The following MRM1 variants were observed in gnomAD, a reference collection of about 807,000 sequenced individuals.
MRM1 encodes rRNA methyltransferase 1, mitochondrial.
A neutral mutation model predicts 25.0 loss-of-function variants in MRM1; 24 were observed. The observed-to-expected ratio is 0.96, with a 90% confidence interval of 0.69 to 1.35. The LOEUF is 1.35. MRM1 is among the 40% of genes most tolerant of loss of function. The pLI, the probability that MRM1 is intolerant of heterozygous loss-of-function variation, is 0.00. For synonymous variants in MRM1, 188 were observed against 199.2 expected, an observed-to-expected ratio of 0.94 and a Z score of 0.47; for missense variants, 431 against 464.1, an observed-to-expected ratio of 0.93 and a Z score of 0.65.
intron 2 of MRM1, among the ~76,000 whole-genome samples, chr17:36,604,232 T>C (rs1402365093): frequency 6.6e-6 from 1 of 152,190 alleles, no homozygotes; most frequent in Non-Finnish European, 1.5e-5. Flanking sequence ...ACCAGTCAGC[T>C]CTTCCTCTCA....
At chr17:36,604,166 C>T (rs2074907374) in intron 2 of MRM1, among the ~76,000 whole-genome samples, 1 of 152,190 alleles carries the variant, frequency 6.6e-6, no homozygotes. Flanking sequence ...CCACTTTTCT[C>T]TTACACTCTC....
the MRM1 span, among the ~76,000 whole-genome samples, chr17:36,620,070 G>A: frequency 3.9e-5 from 6 of 152,080 alleles, no homozygotes; most frequent in African/African-American, 1.4e-4. Context: ...TTGAGTTGTA[G>A]GAGTTCCTTA....
In MRM1 at chr17:36,602,517, G is replaced by A. The variant is rs1406187840; in HGVS notation, c.543-36G>A. ...AGGGTAGGGAGCCGGGCTTGAGATGGCCCAGCCTAATGCGGGGAACGGGGA... is the reference window on the plus strand; with the variant it reads ...AGGGTAGGGAGCCGGGCTTGAGATGACCCAGCCTAATGCGGGGAACGGGGA... On this transcript the variant is annotated intron_variant, in intron 1 of 4. Coordinates refer to ENST00000614766, the MANE Select transcript of MRM1 (RefSeq NM_024864.5). The surrounding 1 kb of genome is among the most constrained non-coding windows in gnomAD (Gnocchi z 4.1). 6.2e-7 allele frequency: 1 copy of A among 1,613,112 alleles called. No individual in the cohort carries two copies. Among genetic ancestry groups the A allele is most frequent in the East Asian group, 2.2e-5 (1 of 44,864 alleles).
At chr17:36,606,442 TCTCA>T (rs2074928892) in intron 2 of MRM1, among the ~76,000 whole-genome samples, 1 of 121,090 alleles carries the variant, frequency 8.3e-6, no homozygotes, top group Non-Finnish European at 1.7e-5. Flanking sequence ...GAGATGGGGG[TCTCA>T]CTCTGTCACC....
chr17:36,619,883 G>C, the MRM1 span, among the ~76,000 whole-genome samples: 1 of 152,098 alleles, frequency 6.6e-6, no homozygotes, highest in Non-Finnish European at 1.5e-5. Flanking sequence ...TCTGATGGTG[G>C]CCATCATAAT....
At chr17:36,626,927 G>A in the MRM1 span, among the ~76,000 whole-genome samples, 4 of 152,296 alleles carry the variant, frequency 2.6e-5, no homozygotes, top group Non-Finnish European at 4.4e-5. Flanking sequence ...TGACTCTGAG[G>A]CAAATGTAAA....
rs2074948250 is a variant in MRM1 at position 36,608,171 on chromosome 17, C to T, written c.890-72C>T. ...ATCCCGTTGATGAGATGAGGGGCTG[C>T]CTGAATGTCTAGGTCTCTAAACATC... On this transcript the variant is annotated intron_variant, in intron 4 of 4. Transcript: ENST00000614766. 1.7e-5 allele frequency: 26 copies of T among 1,522,120 alleles called. 1 individual carries two copies. The South Asian group carries it at 3.3e-4, about 19-fold the overall frequency. The allele number at this position is 1,522,120 out of a possible 1,614,324, so 94.3% of individuals were successfully genotyped here.
At chr17:36,609,362 C>G (rs1031422950), downstream of MRM1, among the ~76,000 whole-genome samples, 30 of 152,232 alleles carry the variant, frequency 2.0e-4, no homozygotes, top group African/African-American at 7.2e-4. Flanking sequence ...GTGGCGCCAC[C>G]TGGCATCCGG....
At chr17:36,606,602 C>A (rs1055529858) in intron 2 of MRM1, among the ~76,000 whole-genome samples, 4 of 132,762 alleles carry the variant, frequency 3.0e-5, no homozygotes, top group African/African-American at 1.3e-4. Flanking sequence ...GATGCTCAGG[C>A]TAGTCTTTTT....
the MRM1 span, among the ~76,000 whole-genome samples, chr17:36,628,613 G>A: frequency 5.3e-5 from 8 of 152,278 alleles, no homozygotes; most frequent in East Asian, 1.5e-3. Context: ...GCCAGGTGCT[G>A]CAGAAGCGGA....
At chr17:36,621,018 T>C in the MRM1 span, among the ~76,000 whole-genome samples, 5 of 152,200 alleles carry the variant, frequency 3.3e-5, no homozygotes, top group African/African-American at 4.8e-5. Context: ...GCAATTTCTT[T>C]AATGTCTCTG....
chr17:36,602,180 A>G lies in MRM1; in HGVS notation c.370A>G (p.Ser124Gly), dbSNP rs2074880126. 6.2e-7 allele frequency: 1 copy of G among 1,611,270 alleles called. No homozygotes were observed. Among genetic ancestry groups the G allele is most frequent in the African/African-American group, 1.3e-5 (1 of 74,834 alleles). Residue 124 changes from serine to glycine, a missense_variant, in exon 1 of 5, where the codon AGC becomes GGC. Transcript: ENST00000614766. The surrounding 1 kb of genome is among the most constrained non-coding windows in gnomAD (Gnocchi z 4.1). ...CCACCAGGGTGTCTGCATGGAGGTGAGCCCGCTGCGGCCCCGGCCTTGGAG... is the reference window on the plus strand; with the variant it reads ...CCACCAGGGTGTCTGCATGGAGGTGGGCCCGCTGCGGCCCCGGCCTTGGAG... ...QVHQGVCMEVSPLRPRPWREA... is the reference protein window; with the variant it reads ...QVHQGVCMEVGPLRPRPWREA...
Position 36,602,643 on chromosome 17 carries a change from A to G in MRM1, c.633A>G (p.Leu211=), listed in dbSNP as rs548549290. ...VFSTDDLTGF[L]QTKAQQGWLV... is the part of the protein sequence containing the mutation. ...CCACTGATGACCTCACCGGATTTTT[A>G]CAGGTAATGAGGGGCAAGAGGGGAA... is the stretch of plus-strand genomic sequence containing the variant. The change falls in exon 2 of 5, where the codon TTA becomes TTG. Residue 211 remains leucine (L), a synonymous_variant. Transcript: ENST00000614766. The surrounding 1 kb of genome is among the most constrained non-coding windows in gnomAD (Gnocchi z 4.1). 1.9e-6 allele frequency: 3 copies of G among 1,614,142 alleles called. No individual in the cohort carries two copies. In the Admixed American group the frequency reaches 5.0e-5, roughly 27 times the overall value.
At chr17:36,607,647 A>G (rs772036496) in intron 2 of MRM1, 23 bp from the exon 3 acceptor site, 1 of 1,600,198 alleles carries the variant, frequency 6.2e-7, no homozygotes, top group Non-Finnish European at 8.5e-7. Context: ...AAGAATTAGA[A>G]CATATCTTCT....
At position 36,601,645 on chromosome 17, in the gene MRM1, A is replaced by G. The variant is rs1325439982; in HGVS notation, c.-166A>G. 1.4e-6 allele frequency: 1 copy of G among 691,718 alleles called. No individual in the cohort carries two copies. Among genetic ancestry groups the G allele is most frequent in the African/African-American group, 1.8e-5 (1 of 54,882 alleles). The allele number at this position is 691,718 out of a possible 1,614,324, so 42.8% of individuals were successfully genotyped here. A position where few individuals can be genotyped will look rare whatever the true frequency, so the allele number is the denominator to read the frequency against. ...GCGGGTGGTCGTAGCTCGGTAGTCCAGTTGTGGGTAATCGGGGCTGTTTGT... is the reference window on the plus strand; with the variant it reads ...GCGGGTGGTCGTAGCTCGGTAGTCCGGTTGTGGGTAATCGGGGCTGTTTGT... On this transcript the variant is annotated 5_prime_UTR_variant, in exon 1 of 5. Coordinates refer to ENST00000614766, the MANE Select transcript of MRM1 (RefSeq NM_024864.5).
the MRM1 span, among the ~76,000 whole-genome samples, chr17:36,623,021 C>A: frequency 6.6e-6 from 1 of 152,214 alleles, no homozygotes; most frequent in Non-Finnish European, 1.5e-5. Flanking sequence ...GGGTGGGCAT[C>A]TTGATGGAGC....
intron 2 of MRM1, 68 bp from the exon 3 acceptor site, chr17:36,607,602 G>T (rs943076584): frequency 4.1e-5 from 63 of 1,523,906 alleles, no homozygotes; most frequent in Non-Finnish European, 4.9e-5. Flanking sequence ...CAGCCTGAGC[G>T]AGAGTAAGAC....
chr17:36,628,760 C>T, the MRM1 span, among the ~76,000 whole-genome samples: 34 of 152,278 alleles, frequency 2.2e-4, no homozygotes, highest in African/African-American at 7.2e-4. Flanking sequence ...CAATGCTCAT[C>T]ACAACCCCAT....
At chr17:36,634,245 A>G in the MRM1 span, 1 of 152,194 alleles carries the variant, frequency 6.6e-6, no homozygotes, top group Non-Finnish European at 1.5e-5. Flanking sequence ...CATTCTGATC[A>G]GTTCTTTCTG....
Sources: allele counts gnomAD v4.1 joint callset (sites outside exome capture counted in the v4.1 genomes callset), GRCh38; gene constraint gnomAD v4.1.1; non-coding constraint Gnocchi (gnomAD v3.1); transcripts MANE v1.5; gene names NCBI Gene and HGNC (gene_info 2026-07-23, HGNC 2026-07-21).